CRYBA4: variants seen among roughly 807,000 people sequenced by gnomAD.
CRYBA4 encodes beta-crystallin A4.
CRYBA4 carries 30 observed loss-of-function variants against 31.7 expected under a neutral mutation model. The ratio of observed to expected loss-of-function variants is 0.95; its 90% CI spans 0.71 to 1.28. The LOEUF is 1.28. CRYBA4 is among the 50% of genes most tolerant of loss of function. The probability of loss-of-function intolerance (pLI) is 0.00; values close to 1 mark genes in which losing one functional copy is unlikely to be tolerated. For missense variants in CRYBA4, 225 were observed against 260.7 expected, an observed-to-expected ratio of 0.86 and a Z score of 0.94; for synonymous variants, 102 against 102.3, an observed-to-expected ratio of 1.00 and a Z score of 0.02.
chr22:26,630,546 G>A lies in CRYBA4; in HGVS notation c.*59G>A, dbSNP rs2145986693. 1 of 1,493,232 alleles carries A rather than the reference G, an allele frequency of 6.7e-7. No individual in the cohort carries two copies. The highest frequency in any genetic ancestry group is 9.2e-7 in the Non-Finnish European group (1 of 1,090,498). 92.5% of individuals were successfully genotyped at this position (1,493,232 alleles called of 1,614,324 possible). A position where few individuals can be genotyped will look rare whatever the true frequency, so the allele number is the denominator to read the frequency against. The stretch of plus-strand genomic sequence containing the variant: ...TTATCTGCAATGGAGGCGCTCTGGA[G>A]GCTGTGGTGTGTTCTCTCCTTCTGC... On this transcript the variant is annotated 3_prime_UTR_variant, in exon 6 of 6. Coordinates refer to ENST00000354760, the MANE Select transcript of CRYBA4 (RefSeq NM_001886.3).
At chr22:26,623,494 A>C in intron 3 of CRYBA4, 142 bp downstream of exon 3, 1 of 677,716 alleles carries the variant, frequency 1.5e-6, no homozygotes, top group Non-Finnish European at 2.6e-6. Context: ...AGGAGTGTGC[A>C]GGACTGCCAT....
In CRYBA4 at chr22:26,630,662, G is replaced by C. The variant is rs1053301804; in HGVS notation, c.*175G>C. The C allele has an allele frequency of 1.7e-6, 1 of 605,412 alleles. No individual in the cohort carries two copies. The highest frequency in any genetic ancestry group is 2.9e-5 in the Admixed American group (1 of 34,352). 37.5% of individuals were successfully genotyped at this position (605,412 alleles called of 1,614,324 possible). A position where few individuals can be genotyped will look rare whatever the true frequency, so the allele number is the denominator to read the frequency against. ...AACTCAAACGAATAAAAAAGAGAAA[G>C]TCTGGTATTAGTTGTGCTTTTCAAT... On this transcript the variant is annotated 3_prime_UTR_variant, in exon 6 of 6. Coordinates refer to ENST00000354760, the MANE Select transcript of CRYBA4 (RefSeq NM_001886.3).
the CRYBA4 span, chr22:26,612,283 A>T: frequency 2.5e-6 from 2 of 814,906 alleles, no homozygotes; most frequent in African/African-American, 3.4e-5. Context: ...GCAGTGCAGG[A>T]GTCACATAAA....
the CRYBA4 span, among the ~76,000 whole-genome samples, chr22:26,601,285 G>A: frequency 6.6e-6 from 1 of 152,128 alleles, no homozygotes. Flanking sequence ...GTATTCTCAT[G>A]ACATAAGGTC....
At chr22:26,626,767 T>A (rs1202584258) in intron 4 of CRYBA4, among the ~76,000 whole-genome samples, 1 of 152,208 alleles carries the variant, frequency 6.6e-6, no homozygotes, top group Non-Finnish European at 1.5e-5. Flanking sequence ...GATTTTTAGG[T>A]TAGGGATGTT....
the CRYBA4 span, among the ~76,000 whole-genome samples, chr22:26,591,881 C>G: frequency 3.4e-5 from 3 of 88,704 alleles, no homozygotes; most frequent in Non-Finnish European, 6.9e-5. Context: ...GCACTCCATC[C>G]TGGGTGAGTA....
At chr22:26,610,479 C>G in the CRYBA4 span, among the ~76,000 whole-genome samples, 5 of 152,136 alleles carry the variant, frequency 3.3e-5, no homozygotes, top group African/African-American at 1.2e-4. Flanking sequence ...GAGAAATACT[C>G]TGGGTTTGAG....
intron 4 of CRYBA4, among the ~76,000 whole-genome samples, chr22:26,626,517 A>G (rs901969713): frequency 5.9e-5 from 9 of 152,242 alleles, no homozygotes; most frequent in African/African-American, 2.2e-4. Context: ...CATATTTACC[A>G]TCCAAAATTC....
the CRYBA4 span, among the ~76,000 whole-genome samples, chr22:26,615,191 G>T: frequency 6.6e-6 from 1 of 152,214 alleles, no homozygotes; most frequent in African/African-American, 2.4e-5. Flanking sequence ...CTACTTCTGT[G>T]ACCTGAGGTT....
the CRYBA4 span, among the ~76,000 whole-genome samples, chr22:26,590,800 G>T: frequency 6.6e-6 from 1 of 151,638 alleles, no homozygotes; most frequent in Non-Finnish European, 1.5e-5. Flanking sequence ...AAAAAATGCC[G>T]AATAGCGTAA....
chr22:26,626,307 G>A (rs7291379), intron 4 of CRYBA4, among the ~76,000 whole-genome samples: 3,560 of 152,290 alleles, frequency 0.023, 134 homozygotes, highest in African/African-American at 0.081. Flanking sequence ...AGGAGGCTGA[G>A]GCAGGAGAAT....
the CRYBA4 span, among the ~76,000 whole-genome samples, chr22:26,600,395 C>G: frequency 6.6e-6 from 1 of 151,496 alleles, no homozygotes; most frequent in Non-Finnish European, 1.5e-5. Context: ...GAGCGAGACT[C>G]CATCTCAAAA....
At chr22:26,608,440 C>T in the CRYBA4 span, among the ~76,000 whole-genome samples, 1 of 152,184 alleles carries the variant, frequency 6.6e-6, no homozygotes, top group Admixed American at 6.5e-5. Flanking sequence ...GTTAATGTGC[C>T]TTTAACACTT....
At chr22:26,601,351 T>A in the CRYBA4 span, among the ~76,000 whole-genome samples, 1 of 152,152 alleles carries the variant, frequency 6.6e-6, no homozygotes, top group South Asian at 2.1e-4. Context: ...GGAAGGGCAC[T>A]CTTGGATCAG....
chr22:26,615,994 G>T, the CRYBA4 span: 1 of 722,356 alleles, frequency 1.4e-6, no homozygotes, highest in East Asian at 2.7e-5. Flanking sequence ...TAAATAGAAA[G>T]GAGAGAAAAT....
At chr22:26,627,422 T>TTCTTTC (rs1569211779) in intron 4 of CRYBA4, among the ~76,000 whole-genome samples, 4 of 98,120 alleles carry the variant, frequency 4.1e-5, no homozygotes, top group Non-Finnish European at 7.4e-5. Context: ...CTTTCTTTCT[T>TTCTTTC]TCTTTTTCTT....
At position 26,630,436 on chromosome 22, in the gene CRYBA4, C is replaced by A. The variant is rs1000396697; in HGVS notation, c.540C>A (p.Gly180=). Residue 180 remains glycine, a synonymous_variant, in exon 6 of 6, where the codon GGC becomes GGA. Coordinates refer to ENST00000354760, the MANE Select transcript of CRYBA4 (RefSeq NM_001886.3). ...SGDYKHFREW[G]SHAPTFQVQS... ...ACTACAAACATTTCCGGGAGTGGGG[C>A]TCTCATGCCCCGACCTTCCAGGTGC... 2.5e-6 allele frequency: 4 copies of A among 1,614,064 alleles called. No individual in the cohort carries two copies. The highest frequency in any genetic ancestry group is 1.7e-6 in the Non-Finnish European group (2 of 1,179,968).
intron 4 of CRYBA4, among the ~76,000 whole-genome samples, chr22:26,626,509 T>C (rs886101956): frequency 6.6e-6 from 1 of 152,252 alleles, no homozygotes; most frequent in African/African-American, 2.4e-5. Flanking sequence ...TAAGTCACCA[T>C]ATTTACCATC....
At chr22:26,627,420 CTT>C (rs1200163406) in intron 4 of CRYBA4, among the ~76,000 whole-genome samples, 2 of 80,802 alleles carry the variant, frequency 2.5e-5, no homozygotes, top group African/African-American at 7.5e-5. Context: ...TTCTTTCTTT[CTT>C]TCTTTTTCTT....
Sources: allele counts gnomAD v4.1 joint callset (sites outside exome capture counted in the v4.1 genomes callset), GRCh38; gene constraint gnomAD v4.1.1; transcripts MANE v1.5; gene names NCBI Gene and HGNC (gene_info 2026-07-23, HGNC 2026-07-21).